FOXP2: variants seen among roughly 807,000 people sequenced by gnomAD.
The protein encoded by FOXP2 is forkhead box P2, also known as forkhead box protein P2.
In FOXP2, 12 loss-of-function variants were observed where a neutral mutation model predicts 115.8. The observed-to-expected ratio is 0.10, with a 90% CI of 0.07 to 0.17. The LOEUF (loss-of-function observed/expected upper bound fraction) is 0.17. Ranked by LOEUF, FOXP2 falls within the 10% of genes least tolerant of loss-of-function variation. FOXP2 has a pLI of 1.00. For missense variants in FOXP2, 629 were observed against 843.5 expected, an observed-to-expected ratio of 0.75 and a Z score of 3.15; for synonymous variants, 328 against 297.7, an observed-to-expected ratio of 1.10 and a Z score of -1.05.
chr7:114,644,376 AT>A (rs1805753438), intron 7 of FOXP2, among the ~76,000 whole-genome samples: 1 of 152,186 alleles, frequency 6.6e-6, no homozygotes, highest in South Asian at 2.1e-4. Flanking sequence ...ATGAATATAC[AT>A]TTTTTATTTA....
intron 1 of FOXP2, among the ~76,000 whole-genome samples, chr7:114,164,242 A>G (rs1402714075): frequency 6.6e-6 from 1 of 152,198 alleles, no homozygotes; most frequent in African/African-American, 2.4e-5. Context: ...AACTATGCAT[A>G]GAAAAGGAAG....
In FOXP2 at chr7:114,692,183, G is replaced by A; in HGVS notation, c.*2257G>A. ...GGGTCTTTCAGGTGCATGTTCAAAA[G>A]GCTTTGAGGGACTGGAAGTAACTGC... On this transcript the variant is annotated 3_prime_UTR_variant, in exon 17 of 17. Transcript: ENST00000350908. 2.2e-6 allele frequency: 1 copy of A among 453,910 alleles called. No homozygotes were observed. Among genetic ancestry groups the A allele is most frequent in the Non-Finnish European group, 4.4e-6 (1 of 226,710 alleles). The allele number at this position is 453,910 out of a possible 1,614,324, so 28.1% of individuals were successfully genotyped here.
intron 3 of FOXP2, among the ~76,000 whole-genome samples, chr7:114,548,007 G>T (rs1011539616): frequency 6.6e-6 from 1 of 152,142 alleles, no homozygotes; most frequent in Non-Finnish European, 1.5e-5. Flanking sequence ...CCACAGACAA[G>T]TAGTCCAGAG....
chr7:114,684,859 T>A (rs1808278390), intron 16 of FOXP2, among the ~76,000 whole-genome samples: 1 of 152,210 alleles, frequency 6.6e-6, no homozygotes. Flanking sequence ...TTAGATTTAA[T>A]AAATGTTTAA....
At chr7:114,346,284 A>C (rs1791346176) in intron 2 of FOXP2, among the ~76,000 whole-genome samples, 1 of 151,846 alleles carries the variant, frequency 6.6e-6, no homozygotes, top group African/African-American at 2.4e-5. Flanking sequence ...TATCAAGGAG[A>C]TATCTGCACT....
chr7:114,673,844 C>T (rs979391544), intron 16 of FOXP2, among the ~76,000 whole-genome samples: 6 of 152,064 alleles, frequency 3.9e-5, no homozygotes, highest in African/African-American at 9.7e-5. Flanking sequence ...GGATTACAGG[C>T]GCCTGCCACT....
At chr7:114,363,152 G>A (rs1791792655) in intron 2 of FOXP2, among the ~76,000 whole-genome samples, 1 of 152,044 alleles carries the variant, frequency 6.6e-6, no homozygotes, top group Non-Finnish European at 1.5e-5. Flanking sequence ...CTTCTATTCT[G>A]TATTCATTTA....
chr7:114,110,771 A>G (rs1029385704), intron 1 of FOXP2, among the ~76,000 whole-genome samples: 8 of 152,168 alleles, frequency 5.3e-5, no homozygotes, highest in African/African-American at 1.9e-4. Context: ...AGGGGGAACT[A>G]CTTGGCCCTG....
At chr7:114,610,963 T>A (rs566909619) in intron 3 of FOXP2, among the ~76,000 whole-genome samples, 1 of 152,274 alleles carries the variant, frequency 6.6e-6, no homozygotes, top group Admixed American at 6.5e-5. Flanking sequence ...TCTTATACTA[T>A]TATCCCTATT....
Position 114,235,521 on chromosome 7 carries a change from G to A in FOXP2, c.-101-52498G>A, listed in dbSNP as rs576807147. Among the ~76,000 whole-genome samples the A allele has an allele frequency of 3.9e-5, 6 of 152,300 alleles. No homozygotes were observed. In the South Asian group the frequency reaches 1.0e-3, roughly 26 times the overall value. On this transcript the variant is annotated intron_variant, in intron 1 of 17. Transcript: ENST00000634411. ...AAAATTTTACTAGAATTGGTGTTAT[G>A]TGACTTCAGAGGTTTTCTGATGTCA... is the stretch of plus-strand genomic sequence containing the variant.
At chr7:114,416,971 A>G (rs1029372191) in intron 1 of FOXP2, among the ~76,000 whole-genome samples, 1 of 151,954 alleles carries the variant, frequency 6.6e-6, no homozygotes, top group Non-Finnish European at 1.5e-5. Context: ...CTAAAATTAT[A>G]TGCATTGAAA....
At chr7:114,128,232 A>T (rs1791774008) in intron 1 of FOXP2, among the ~76,000 whole-genome samples, 1 of 152,156 alleles carries the variant, frequency 6.6e-6, no homozygotes, top group Non-Finnish European at 1.5e-5. Flanking sequence ...TTAATGTGCA[A>T]ACAAACCGAA....
intron 2 of FOXP2, among the ~76,000 whole-genome samples, chr7:114,518,343 T>C (rs1184827498): frequency 6.6e-6 from 1 of 152,188 alleles, no homozygotes. Context: ...ATTTTCCTTG[T>C]ATAGGAAAAT....
chr7:114,128,318 G>A (rs569875265), intron 1 of FOXP2, among the ~76,000 whole-genome samples: 36 of 152,010 alleles, frequency 2.4e-4, no homozygotes, highest in African/African-American at 8.2e-4. Flanking sequence ...ATCATGGCCC[G>A]TTGTTACCCT....
At chr7:114,620,609 C>T (rs1804196764) in intron 3 of FOXP2, among the ~76,000 whole-genome samples, 1 of 152,014 alleles carries the variant, frequency 6.6e-6, no homozygotes, top group African/African-American at 2.4e-5. Context: ...GCTTTATAAT[C>T]TTATGGAAAG....
chr7:114,664,430 C>T lies in FOXP2; in HGVS notation c.1997C>T (p.Pro666Leu), dbSNP rs145254341. The T allele has an allele frequency of 1.1e-5, 17 of 1,613,202 alleles. No homozygotes were observed. Among genetic ancestry groups the T allele is most frequent in the Non-Finnish European group, 1.4e-5 (16 of 1,179,602 alleles). The change falls in exon 16 of 17, where the codon CCG (proline) becomes CTG (leucine). Residue 666 changes from proline to leucine, a missense_variant. Physicochemically the swap from Pro to Leu is moderately conservative, Grantham distance 98. Coordinates refer to ENST00000350908, the MANE Select transcript of FOXP2 (RefSeq NM_014491.4). ...AGTAGTCCGGGCTGCTCACCTCAGCCGCACATGTAAGTGTGGTTAACAGAC... is the reference window on the plus strand; with the variant it reads ...AGTAGTCCGGGCTGCTCACCTCAGCTGCACATGTAAGTGTGGTTAACAGAC... ...GNSSPGCSPQ[P>L]HIHSIHVKEE...
intron 2 of FOXP2, among the ~76,000 whole-genome samples, chr7:114,331,293 A>G (rs1797706579): frequency 6.6e-6 from 1 of 152,350 alleles, no homozygotes; most frequent in South Asian, 2.1e-4. Flanking sequence ...AAAGAATTTT[A>G]AAATTCCTTT....
At chr7:114,377,015 C>A (rs1792155761) in intron 2 of FOXP2, among the ~76,000 whole-genome samples, 1 of 152,088 alleles carries the variant, frequency 6.6e-6, no homozygotes. Context: ...TGATAAAGTG[C>A]AGGACAGATG....
chr7:114,313,252 C>T (rs1797189286), intron 2 of FOXP2, among the ~76,000 whole-genome samples: 1 of 152,180 alleles, frequency 6.6e-6, no homozygotes, highest in South Asian at 2.1e-4. Context: ...TTTGGCTCTT[C>T]TGTGATGAAT....
Sources: gnomAD v4.1 joint callset for allele counts (sites outside exome capture counted in the v4.1 genomes callset) on GRCh38, gnomAD v4.1.1 for gene constraint, MANE v1.5 for transcripts, NCBI Gene and HGNC (gene_info 2026-07-23, HGNC 2026-07-21) for gene names.